GNAO1: variants seen among roughly 807,000 people sequenced by gnomAD.
GNAO1 encodes G protein subunit alpha o1.
For missense variants in GNAO1, 166 were observed against 478.7 expected (o/e 0.35, Z 6.10); for synonymous variants, 164 against 180.7 (o/e 0.91, Z 0.74).
chr16:56,253,181 G>T, intron 2 of GNAO1, among the ~76,000 whole-genome samples: 1 of 152,196 alleles, frequency 6.6e-6, no homozygotes, highest in East Asian at 1.9e-4. Context: ...CTGCCTAAAA[G>T]ACTCCCCAGG....
At chr16:56,343,647 C>T in intron 6 of GNAO1, 3 of 727,098 alleles carry the variant, frequency 4.1e-6, no homozygotes, top group Non-Finnish European at 6.8e-6. Context: ...TTTCCCTGTG[C>T]AGTTGTCTCT....
Position 56,277,883 on chromosome 16 carries a change from A to G in GNAO1, c.303+1811A>G, listed in dbSNP as rs150537701. On this transcript the variant is annotated intron_variant, in intron 3 of 8. Transcript: ENST00000262493. The stretch of plus-strand genomic sequence containing the variant: ...CCAGGAGCAAATGTATTCATCTCCC[A>G]GCCAGCTCTTCCTAAAAATCTCCTA... 3.1e-3 allele frequency among the ~76,000 whole-genome samples: 470 copies of G among 151,168 alleles called. 2 individuals are homozygous for G. The highest frequency in any genetic ancestry group is 0.014 in the Middle Eastern group (4 of 294).
intron 2 of GNAO1, among the ~76,000 whole-genome samples, chr16:56,258,815 C>T (rs771896232): frequency 6.6e-6 from 1 of 152,212 alleles, no homozygotes; most frequent in Non-Finnish European, 1.5e-5. Flanking sequence ...GGGATTGGGG[C>T]AGGCAATAGC....
chr16:56,351,845 T>TAG lies in GNAO1; in HGVS notation c.877+310_877+311dup, dbSNP rs1455737419. Reference sequence around the variant, plus strand: ...TTCCCCCTTCCTCCTGGTCACCCTCTAGAAGAGGTCTCAGGACAGCCTCCT... The same window carrying TAG: ...TTCCCCCTTCCTCCTGGTCACCCTCTAGAGAAGAGGTCTCAGGACAGCCTCCT... On this transcript the variant is annotated intron_variant, in intron 7 of 8. Coordinates refer to ENST00000262493, the MANE Select transcript of GNAO1 (RefSeq NM_020988.3). This position sits in a 1 kb window ranked among gnomAD's most constrained non-coding sequence, Gnocchi z 6.1. 1 of 326,328 alleles carries TAG rather than the reference T, an allele frequency of 3.1e-6. No homozygotes were observed. The highest frequency in any genetic ancestry group is 2.1e-5 in the African/African-American group (1 of 47,662). The allele number at this position is 326,328 out of a possible 1,614,324, so 20.2% of individuals were successfully genotyped here. A position where few individuals can be genotyped will look rare whatever the true frequency, so the allele number is the denominator to read the frequency against.
chr16:56,312,038 G>A (rs1323697094), intron 3 of GNAO1, among the ~76,000 whole-genome samples: 2 of 152,330 alleles, frequency 1.3e-5, no homozygotes, highest in East Asian at 1.9e-4. Context: ...AGCCTTCCCT[G>A]ACCCTGCCCT....
At chr16:56,301,967 G>A (rs1046617150) in intron 3 of GNAO1, 1 of 152,148 alleles carries the variant, frequency 6.6e-6, no homozygotes, top group African/African-American at 2.4e-5. Flanking sequence ...TTGATGTGGA[G>A]GTGTGGGCAG....
intron 3 of GNAO1, among the ~76,000 whole-genome samples, chr16:56,285,393 C>T (rs896903209): frequency 1.3e-5 from 2 of 152,252 alleles, no homozygotes; most frequent in East Asian, 1.9e-4. Flanking sequence ...CCATTGCAGC[C>T]CCTCTTCTAC....
At position 56,288,666 on chromosome 16, in the gene GNAO1, G is replaced by A. The variant is rs1277287877; in HGVS notation, c.303+12594G>A. On this transcript the variant is annotated intron_variant, in intron 3 of 8. Transcript: ENST00000262493. Reference sequence around the variant, plus strand: ...GCGTGGGGGCCGGTCTTCCCTTTGCGTTACTTTCTGGCCTCTGGAGAGTCA... The same window carrying A: ...GCGTGGGGGCCGGTCTTCCCTTTGCATTACTTTCTGGCCTCTGGAGAGTCA... 2.6e-5 allele frequency among the ~76,000 whole-genome samples: 4 copies of A among 152,192 alleles called. No individual in the cohort carries two copies. In the East Asian group the frequency reaches 5.8e-4, roughly 22 times the overall value.
At chr16:56,225,477 C>G (rs1458676408) in intron 2 of GNAO1, among the ~76,000 whole-genome samples, 2 of 152,140 alleles carry the variant, frequency 1.3e-5, no homozygotes, top group East Asian at 3.9e-4. Flanking sequence ...CCTGATCACC[C>G]AGAGGGAACT....
chr16:56,236,593 C>T (rs533642641), intron 2 of GNAO1, among the ~76,000 whole-genome samples: 1 of 152,292 alleles, frequency 6.6e-6, no homozygotes, highest in African/African-American at 2.4e-5. Context: ...AAACCTGACT[C>T]CCAGTCCAGT....
In GNAO1 at chr16:56,247,421, A is replaced by T. The variant is rs1159699974; in HGVS notation, c.162-28510A>T. Among the ~76,000 whole-genome samples, 3 of 150,106 alleles carry T rather than the reference A, an allele frequency of 2.0e-5. No homozygotes were observed. The East Asian group carries it at 5.9e-4, about 29-fold the overall frequency. On this transcript the variant is annotated intron_variant, in intron 2 of 8. Coordinates refer to ENST00000262493, the MANE Select transcript of GNAO1 (RefSeq NM_020988.3). ...CCTTCTCTGAGCCCCTTTAAAACAT[A>T]GGTGGTTTTGCTTTTCTCTTGCAGT...
At chr16:56,347,185 C>T (rs1331118365) in intron 6 of GNAO1, 1 of 985,412 alleles carries the variant, frequency 1.0e-6, no homozygotes. Flanking sequence ...GTCTGGGGCA[C>T]AGAGCCTCCT....
At chr16:56,352,722 A>G (rs1003373090) in intron 7 of GNAO1, 1 of 152,370 alleles carries the variant, frequency 6.6e-6, no homozygotes, top group Non-Finnish European at 1.5e-5. Flanking sequence ...TGTTCTGAGC[A>G]CAAACCGTGT....
intron 3 of GNAO1, among the ~76,000 whole-genome samples, chr16:56,283,763 A>G (rs1303449949): frequency 6.6e-6 from 1 of 152,180 alleles, no homozygotes; most frequent in Non-Finnish European, 1.5e-5. Context: ...GGCCAGGAAG[A>G]GGATGTAGAT....
intron 3 of GNAO1, among the ~76,000 whole-genome samples, chr16:56,310,572 A>G (rs1479605930): frequency 6.6e-6 from 1 of 152,204 alleles, no homozygotes; most frequent in African/African-American, 2.4e-5. Flanking sequence ...CTCTTTCACC[A>G]GCTTACAGTC....
At chr16:56,322,552 T>A (rs868050732) in intron 3 of GNAO1, among the ~76,000 whole-genome samples, 3 of 152,070 alleles carry the variant, frequency 2.0e-5, no homozygotes, top group Non-Finnish European at 4.4e-5. Context: ...GCAAAGCCCT[T>A]CCTTCCCCTC....
At chr16:56,256,864 T>C (rs1455888128) in intron 2 of GNAO1, among the ~76,000 whole-genome samples, 1 of 152,092 alleles carries the variant, frequency 6.6e-6, no homozygotes, top group African/African-American at 2.4e-5. Flanking sequence ...CTGGACTAGC[T>C]TCCAGAATCA....
At chr16:56,304,771 T>C (rs1227308830) in intron 3 of GNAO1, among the ~76,000 whole-genome samples, 1 of 152,218 alleles carries the variant, frequency 6.6e-6, no homozygotes, top group Non-Finnish European at 1.5e-5. Flanking sequence ...ATGACTCAGT[T>C]TCAGAGTTTC....
intron 2 of GNAO1, among the ~76,000 whole-genome samples, chr16:56,206,526 T>C (rs961748255): frequency 6.6e-6 from 1 of 152,016 alleles, no homozygotes; most frequent in South Asian, 2.1e-4. Context: ...TTCCAGGGAA[T>C]TGGGTGTGGA....
Sources: gnomAD v4.1 joint callset for allele counts (sites outside exome capture counted in the v4.1 genomes callset) on GRCh38, gnomAD v4.1.1 for gene constraint, Gnocchi (gnomAD v3.1) non-coding constraint, MANE v1.5 for transcripts, NCBI Gene and HGNC (gene_info 2026-07-23, HGNC 2026-07-21) for gene names.